The following CCNH variants were observed in gnomAD, a reference collection of about 807,000 sequenced individuals.
CCNH encodes cyclin H.
A neutral mutation model predicts 41.9 loss-of-function variants in CCNH; 31 were observed. The ratio of observed to expected loss-of-function variants is 0.74; its 90% CI spans 0.56 to 1.00. CCNH has a LOEUF of 1.00. CCNH is among the 50% of genes least tolerant of loss of function. The pLI is 0.00. For missense variants in CCNH, 362 were observed against 388.4 expected (o/e 0.93, Z 0.57); for synonymous variants, 138 against 136.1 (o/e 1.01, Z -0.10).
At chr5:87,395,190 A>G in intron 7 of CCNH, 86 bp from the exon 8 acceptor site, 1 of 1,121,758 alleles carries the variant, frequency 8.9e-7, no homozygotes, top group Admixed American at 2.1e-5. Context: ...GCTATAGGCA[A>G]TATCATGTAT....
chr5:87,382,568 A>G (rs1166409426), intron 9 of CCNH, among the ~76,000 whole-genome samples: 1 of 152,162 alleles, frequency 6.6e-6, no homozygotes, highest in African/African-American at 2.4e-5. Flanking sequence ...ATTCTTCTTA[A>G]AAGGAAATTA....
At position 87,401,774 on chromosome 5, in the gene CCNH, T is replaced by C; in HGVS notation, c.690-2A>G. On this transcript the variant is annotated splice_acceptor_variant, in intron 5 of 8. Transcript: ENST00000256897. LOFTEE classifies it high-confidence loss of function. ...AGCATCAGACTCTCTGATAAATAAC[T>C]AGTAAAGAAAAGAAAAAAAAATCTA... 1 of 1,552,984 alleles carries C rather than the reference T, an allele frequency of 6.4e-7. No homozygotes were observed. Among genetic ancestry groups the C allele is most frequent in the South Asian group, 1.2e-5 (1 of 83,360 alleles).
At chr5:87,399,360 A>G in intron 7 of CCNH, 34 bp downstream of exon 7, 1 of 1,421,122 alleles carries the variant, frequency 7.0e-7, no homozygotes, top group Non-Finnish European at 1.0e-6. Flanking sequence ...GATAACAGTT[A>G]TGTCTATTGA....
chr5:87,326,568 G>A (rs1757246180), intron 9 of CCNH, among the ~76,000 whole-genome samples: 1 of 152,130 alleles, frequency 6.6e-6, no homozygotes, highest in Admixed American at 6.5e-5. Context: ...AAGAGAGAGG[G>A]AGATTTACTT....
At chr5:87,352,165 G>A (rs890516686) in intron 9 of CCNH, among the ~76,000 whole-genome samples, 2 of 151,520 alleles carry the variant, frequency 1.3e-5, no homozygotes, top group African/African-American at 4.8e-5. Flanking sequence ...TGTGGCTTGT[G>A]TTAAATGCTG....
chr5:87,338,534 A>ATATATATATAT lies in CCNH; in HGVS notation c.*91-19638_*91-19637insATATATATATA, dbSNP rs1561292504. Reference sequence around the variant, plus strand: ...ATATATATATATATATATATATATAAAATTTTTTTTTTTTTTAAGTAGAAA... The same window carrying ATATATATATAT: ...ATATATATATATATATATATATATAATATATATATATAATTTTTTTTTTTTTTAAGTAGAAA... On this transcript the variant is annotated intron_variant and NMD_transcript_variant, in intron 9 of 9. Coordinates refer to the CCNH transcript ENST00000645953. Among the ~76,000 whole-genome samples, 116 of 46,078 alleles carry ATATATATATAT rather than the reference A, an allele frequency of 2.5e-3. 6 individuals are homozygous for ATATATATATAT. The highest frequency in any genetic ancestry group is 4.7e-3 in the Non-Finnish European group (101 of 21,384). The allele number at this position is 46,078 out of a possible 152,430, so 30.2% of individuals were successfully genotyped here. A position where few individuals can be genotyped will look rare whatever the true frequency, so the allele number is the denominator to read the frequency against.
intron 9 of CCNH, among the ~76,000 whole-genome samples, chr5:87,382,375 C>A (rs144184574): frequency 1.3e-5 from 2 of 152,296 alleles, no homozygotes; most frequent in East Asian, 3.9e-4. Flanking sequence ...TCCACTCTAA[C>A]AGAGAACAGA....
chr5:87,412,651 A>C (rs996843828), intron 1 of CCNH, 27 bp downstream of exon 1: 1 of 1,612,152 alleles, frequency 6.2e-7, no homozygotes, highest in Admixed American at 1.7e-5. Context: ...TGACCGGGCA[A>C]CTGGGCAACC....
At chr5:87,411,091 A>T in intron 2 of CCNH, 133 bp downstream of exon 2, 1 of 851,792 alleles carries the variant, frequency 1.2e-6, no homozygotes, top group Non-Finnish European at 1.7e-6. Flanking sequence ...ATTGAAAAAT[A>T]TATAATGTGC....
intron 9 of CCNH, among the ~76,000 whole-genome samples, chr5:87,346,021 A>G (rs996615424): frequency 5.3e-5 from 8 of 152,112 alleles, no homozygotes; most frequent in Admixed American, 3.9e-4. Context: ...AGGTTATTGT[A>G]TGCTCTATGT....
chr5:87,357,947 G>A (rs1222580425), intron 9 of CCNH, among the ~76,000 whole-genome samples: 2 of 152,152 alleles, frequency 1.3e-5, no homozygotes, highest in Non-Finnish European at 2.9e-5. Context: ...AGTGCTATTT[G>A]TAGTCTATTA....
At chr5:87,389,689 C>T (rs759526751), downstream of CCNH, among the ~76,000 whole-genome samples, 3 of 152,142 alleles carry the variant, frequency 2.0e-5, no homozygotes, top group Admixed American at 2.0e-4. Context: ...ATAACGGGCC[C>T]CGACTAAAAT....
At chr5:87,340,661 A>C (rs755568201) in intron 9 of CCNH, among the ~76,000 whole-genome samples, 1 of 152,164 alleles carries the variant, frequency 6.6e-6, no homozygotes, top group South Asian at 2.1e-4. Flanking sequence ...TGAAAGTAGA[A>C]GTTGATGTTC....
chr5:87,355,396 G>C (rs542000187), intron 9 of CCNH, among the ~76,000 whole-genome samples: 13 of 152,252 alleles, frequency 8.5e-5, no homozygotes, highest in African/African-American at 2.9e-4. Flanking sequence ...CCTGTGCTCT[G>C]TCAATGGAAC....
At chr5:87,353,109 T>C in intron 9 of CCNH, 6 of 1,437,338 alleles carry the variant, frequency 4.2e-6, no homozygotes, top group Middle Eastern at 1.9e-4. Flanking sequence ...TTTAAAGATT[T>C]TGCAGTTTTA....
intron 9 of CCNH, among the ~76,000 whole-genome samples, chr5:87,350,486 A>G (rs1759183177): frequency 6.6e-6 from 1 of 151,856 alleles, no homozygotes; most frequent in Non-Finnish European, 1.5e-5. Flanking sequence ...TTTTAAAGAT[A>G]AAATAATTTA....
chr5:87,398,578 T>C (rs140580797), intron 7 of CCNH, among the ~76,000 whole-genome samples: 9 of 152,302 alleles, frequency 5.9e-5, no homozygotes, highest in African/African-American at 1.9e-4. Context: ...AAAGCACAAA[T>C]TGCCAATTTT....
rs1248677251 is a variant in CCNH, at chr5:87,358,337, C to A, written c.*90+34433G>T. On this transcript the variant is annotated intron_variant and NMD_transcript_variant, in intron 9 of 9. Coordinates refer to the CCNH transcript ENST00000645953. The stretch of plus-strand genomic sequence containing the variant: ...GCACTGTTTTTTATACATATTCATT[C>A]ATTTAATTTTCTCAACAACTTTACC... 2.0e-5 allele frequency among the ~76,000 whole-genome samples: 3 copies of A among 152,220 alleles called. No homozygotes were observed. The East Asian group carries it at 5.8e-4, about 29-fold the overall frequency.
rs532010546 is a variant in CCNH, at chr5:87,342,037, T to C, written c.*91-23140A>G. On this transcript the variant is annotated intron_variant and NMD_transcript_variant, in intron 9 of 9. Transcript: ENST00000645953. ...ATATGTAAGATATATTCTGAGTTCA[T>C]TTTTATTGTTTCTTGTAGCTACAAA... is the stretch of plus-strand genomic sequence containing the variant. Among the ~76,000 whole-genome samples the C allele has an allele frequency of 3.3e-5, 5 of 152,318 alleles. No homozygotes were observed. The East Asian group carries it at 9.6e-4, about 29-fold the overall frequency.
Sources: allele counts gnomAD v4.1 joint callset (sites outside exome capture counted in the v4.1 genomes callset), GRCh38; gene constraint gnomAD v4.1.1; transcripts MANE v1.5; gene names NCBI Gene and HGNC (gene_info 2026-07-23, HGNC 2026-07-21).